Variants in ALDH1L1 observed in about 807,000 individuals in gnomAD.
The protein encoded by ALDH1L1 is aldehyde dehydrogenase 1 family member L1.
Under a neutral mutation model 101.1 loss-of-function variants are expected in ALDH1L1, and 68 were observed. That is an observed-to-expected ratio of 0.67 (90% CI 0.55 to 0.82). ALDH1L1 has a LOEUF of 0.82. Ranked by LOEUF, ALDH1L1 falls within the 40% of genes least tolerant of loss-of-function variation. The probability of loss-of-function intolerance (pLI) is 0.00; values close to 1 mark genes in which losing one functional copy is unlikely to be tolerated. For missense variants in ALDH1L1, 1,087 were observed against 1,172.7 expected (o/e 0.93, Z 1.07); for synonymous variants, 486 against 470.8 (o/e 1.03, Z -0.42).
intron 19 of ALDH1L1, among the ~76,000 whole-genome samples, chr3:126,111,596 G>A (rs114339920): frequency 0.013 from 1,913 of 152,306 alleles, 40 homozygotes; most frequent in African/African-American, 0.043. Flanking sequence ...GTTCTAGCCC[G>A]TCCTAGAAAG....
chr3:126,111,681 C>T (rs546125778), intron 19 of ALDH1L1, among the ~76,000 whole-genome samples: 2 of 152,312 alleles, frequency 1.3e-5, no homozygotes, highest in African/African-American at 2.4e-5. Context: ...CCAGGGGCCC[C>T]TCCCTCACCC....
intron 16 of ALDH1L1, among the ~76,000 whole-genome samples, chr3:126,121,652 C>A (rs556577456): frequency 2.4e-4 from 36 of 152,154 alleles, no homozygotes; most frequent in Non-Finnish European, 4.1e-4. Context: ...CCTGGAAATT[C>A]TTCTAAGGGC....
chr3:126,153,502 T>A lies in ALDH1L1; in HGVS notation c.800A>T (p.His267Leu), dbSNP rs891029186. The change falls in exon 7 of 23, where the codon CAT (histidine) becomes CTT (leucine). Residue 267 changes from histidine (H) to leucine (L), a missense_variant. By Grantham distance (99) the His-to-Leu change is moderately conservative. This residue lies in a region of ALDH1L1 where 645 missense variants were observed against 637.0 expected (regional missense o/e 1.01). Coordinates refer to ENST00000393434, the MANE Select transcript of ALDH1L1 (RefSeq NM_012190.4). ...TGCTTTGGTGACCACCCCTGGCCGA[T>A]GGGCTCCTGGGATGGGCAAAGCGTC... ...EGDALPIPGA[H>L]RPGVVTKAGL... 1.2e-6 allele frequency: 2 copies of A among 1,614,198 alleles called. No individual in the cohort carries two copies. Among genetic ancestry groups the A allele is most frequent in the Middle Eastern group, 1.6e-4 (1 of 6,062 alleles).
rs776704316 is a variant in ALDH1L1 at position 126,154,584 on chromosome 3, C to G, written c.690G>C (p.Val230=). 6.2e-7 allele frequency: 1 copy of G among 1,614,206 alleles called. No individual in the cohort carries two copies. The highest frequency in any genetic ancestry group is 1.1e-5 in the South Asian group (1 of 91,090). The change falls in exon 6 of 23, where the codon GTG becomes GTC. Residue 230 remains valine (V), a synonymous_variant. Coordinates refer to ENST00000393434, the MANE Select transcript of ALDH1L1 (RefSeq NM_012190.4). ...CACAGGCCTCTGTCCAGGCTCCCGGCACCTTGTCGTTCCCGCGGATCCAGT... is the reference window on the plus strand; with the variant it reads ...CACAGGCCTCTGTCCAGGCTCCCGGGACCTTGTCGTTCCCGCGGATCCAGT... ...IHNWIRGNDK[V]PGAWTEACEQ...
intron 1 of ALDH1L1, among the ~76,000 whole-genome samples, chr3:126,161,995 T>C (rs906963517): frequency 6.6e-6 from 1 of 152,208 alleles, no homozygotes; most frequent in African/African-American, 2.4e-5. Context: ...ATGCAGTGTT[T>C]TGTAGATTTT....
chr3:126,140,140 A>C (rs1434553268), intron 9 of ALDH1L1, among the ~76,000 whole-genome samples: 1 of 152,158 alleles, frequency 6.6e-6, no homozygotes, highest in Non-Finnish European at 1.5e-5. Context: ...AGAGACAAAT[A>C]AATAATTTGG....
rs2108294623 is a variant in ALDH1L1 at position 126,157,420 on chromosome 3, CCTT to C, written c.448_450del (p.Lys150del). ...GTGTCGTCCGGGAGCACCTCACACTCCTTCTGCAGCAGCAGGTCTCCGGTGTCC... is the reference window on the plus strand; with the variant it reads ...GTGTCGTCCGGGAGCACCTCACACTCCTGCAGCAGCAGGTCTCCGGTGTCC... On this transcript the variant is annotated inframe_deletion, in exon 4 of 23. Coordinates refer to ENST00000393434, the MANE Select transcript of ALDH1L1 (RefSeq NM_012190.4). The C allele has an allele frequency of 1.2e-6, 2 of 1,614,160 alleles. No individual in the cohort carries two copies. Among genetic ancestry groups the C allele is most frequent in the East Asian group, 2.2e-5 (1 of 44,872 alleles).
At chr3:126,120,849 TATC>T (rs2080066314) in intron 16 of ALDH1L1, among the ~76,000 whole-genome samples, 1 of 152,156 alleles carries the variant, frequency 6.6e-6, no homozygotes, top group South Asian at 2.1e-4. Flanking sequence ...TGCAAAAAGG[TATC>T]ATATATCAGA....
At chr3:126,163,421 C>A (rs893691871) in intron 1 of ALDH1L1, among the ~76,000 whole-genome samples, 7 of 152,036 alleles carry the variant, frequency 4.6e-5, no homozygotes, top group African/African-American at 1.7e-4. Flanking sequence ...ATCCTGAAGT[C>A]TTTCATTTCA....
At chr3:126,142,565 A>T (rs1217231336) in intron 9 of ALDH1L1, among the ~76,000 whole-genome samples, 1 of 152,248 alleles carries the variant, frequency 6.6e-6, no homozygotes, top group African/African-American at 2.4e-5. Flanking sequence ...AGTGTAACAT[A>T]CCACATTAAT....
At chr3:126,145,041 A>C (rs1294842096) in intron 9 of ALDH1L1, among the ~76,000 whole-genome samples, 1 of 152,232 alleles carries the variant, frequency 6.6e-6, no homozygotes, top group Admixed American at 6.5e-5. Context: ...ATTTCTCCAA[A>C]GAAGACATAC....
chr3:126,147,219 G>A (rs1293140031), intron 8 of ALDH1L1, among the ~76,000 whole-genome samples: 1 of 152,160 alleles, frequency 6.6e-6, no homozygotes, highest in Non-Finnish European at 1.5e-5. Context: ...CCAGCTGATG[G>A]AGGACAGATG....
intron 9 of ALDH1L1, among the ~76,000 whole-genome samples, chr3:126,146,011 A>G (rs1006038983): frequency 5.9e-5 from 9 of 152,020 alleles, no homozygotes; most frequent in African/African-American, 1.7e-4. Flanking sequence ...ATTATTACAA[A>G]CTGCATACTG....
chr3:126,185,381 T>A (rs1422665657), upstream of ALDH1L1, among the ~76,000 whole-genome samples: 1 of 152,160 alleles, frequency 6.6e-6, no homozygotes, highest in African/African-American at 2.4e-5. Context: ...TGCTCGCACC[T>A]CTATGGGGGA....
intron 7 of ALDH1L1, chr3:126,150,991 A>C (rs1041783853): frequency 5.9e-6 from 1 of 169,710 alleles, no homozygotes; most frequent in Admixed American, 5.9e-5. Context: ...GTCTCAGATT[A>C]GTGATGAGTT....
intron 18 of ALDH1L1, among the ~76,000 whole-genome samples, chr3:126,113,212 G>A (rs1390360270): frequency 2.6e-5 from 4 of 152,218 alleles, no homozygotes; most frequent in Non-Finnish European, 4.4e-5. Context: ...CTGCACCCTG[G>A]GTGGCTCACT....
Position 126,105,925 on chromosome 3 carries a change from C to T in ALDH1L1, c.2454G>A (p.Gly818=). Residue 818 remains glycine, a splice_region_variant and synonymous_variant, in exon 22 of 23, where the codon GGG becomes GGA. Coordinates refer to ENST00000393434, the MANE Select transcript of ALDH1L1 (RefSeq NM_012190.4). ...PVMIISRFAD[G]DLDAVLSRAN... is the part of the protein sequence containing the mutation. ...CCCGAGACAGCACGGCATCCAAGTCCCTGGAGAGAAAGTCCAGGAAGAACT... is the reference window on the plus strand; with the variant it reads ...CCCGAGACAGCACGGCATCCAAGTCTCTGGAGAGAAAGTCCAGGAAGAACT... 6.2e-7 allele frequency: 1 copy of T among 1,611,544 alleles called. No individual in the cohort carries two copies. The highest frequency in any genetic ancestry group is 1.3e-5 in the African/African-American group (1 of 75,000).
At chr3:126,136,159 C>T (rs77266755) in intron 11 of ALDH1L1, among the ~76,000 whole-genome samples, 9,077 of 152,280 alleles carry the variant, frequency 0.06, 850 homozygotes, top group African/African-American at 0.2. Flanking sequence ...CTTTCATTAA[C>T]TCCTCTCAAA....
intron 16 of ALDH1L1, 59 bp from the exon 17 acceptor site, chr3:126,118,157 G>T: frequency 1.4e-6 from 2 of 1,413,148 alleles, no homozygotes; most frequent in Admixed American, 1.8e-5. Context: ...GGAGGCAGGA[G>T]CCCACCTCCA....
Sources: allele counts gnomAD v4.1 joint callset (sites outside exome capture counted in the v4.1 genomes callset), GRCh38; gene constraint gnomAD v4.1.1; regional missense constraint gnomAD v4.1.1; transcripts MANE v1.5; gene names NCBI Gene and HGNC (gene_info 2026-07-23, HGNC 2026-07-21).